Variants in TMEM132B observed in about 807,000 individuals in gnomAD.
TMEM132B encodes the protein transmembrane protein 132B.
In TMEM132B, 18 loss-of-function variants were observed where a neutral mutation model predicts 90.8. That is an observed-to-expected ratio of 0.20 (90% CI 0.14 to 0.29). The LOEUF is 0.29. Among genes scored for constraint, TMEM132B ranks in the 10% least tolerant of loss-of-function variants. TMEM132B has a pLI of 1.00. For missense variants in TMEM132B, 1,096 were observed against 1,326.8 expected (o/e 0.83, Z 2.70); for synonymous variants, 504 against 523.3 (o/e 0.96, Z 0.50).
At chr12:125,262,245 C>CA (rs11307058) in intron 1 of TMEM132B, among the ~76,000 whole-genome samples, 5,512 of 84,192 alleles carry the variant, frequency 0.065, 193 homozygotes, top group African/African-American at 0.11. Flanking sequence ...CCTGTTTCTA[C>CA]AAAAAAAAAA....
intron 1 of TMEM132B, among the ~76,000 whole-genome samples, chr12:125,243,567 A>G (rs1874138562): frequency 6.6e-6 from 1 of 152,134 alleles, no homozygotes; most frequent in Non-Finnish European, 1.5e-5. Flanking sequence ...CGGCCTCCCA[A>G]AGTGCTGGGA....
At position 125,651,921 on chromosome 12, in the gene TMEM132B, C is replaced by T. The variant is rs118183100; in HGVS notation, c.1915-520C>T. On this transcript the variant is annotated intron_variant, in intron 7 of 8. Transcript: ENST00000682704. ...GCAAGGCCACCTGTATTCCTTGTCA[C>T]GTGGTCCCTTCCGCCTTCAGTAATG... is the stretch of plus-strand genomic sequence containing the variant. 2.0e-3 allele frequency among the ~76,000 whole-genome samples: 307 copies of T among 152,350 alleles called. 1 individual carries two copies. Among genetic ancestry groups the T allele is most frequent in the Non-Finnish European group, 3.6e-3 (247 of 68,026 alleles).
intron 1 of TMEM132B, among the ~76,000 whole-genome samples, chr12:125,310,568 A>G (rs542496557): frequency 6.6e-6 from 1 of 152,194 alleles, no homozygotes; most frequent in Middle Eastern, 3.4e-3. Context: ...CTTCAAGTCT[A>G]CCTAACCACT....
intron 2 of TMEM132B, among the ~76,000 whole-genome samples, chr12:125,398,019 T>A (rs1566022880): frequency 6.6e-6 from 1 of 152,154 alleles, no homozygotes; most frequent in Non-Finnish European, 1.5e-5. Context: ...TTAGGGAGCA[T>A]CAGCAGCTCA....
chr12:125,432,797 G>T (rs1300242281), intron 3 of TMEM132B, among the ~76,000 whole-genome samples: 1 of 151,986 alleles, frequency 6.6e-6, no homozygotes, highest in Non-Finnish European at 1.5e-5. Flanking sequence ...TCGGCATCTG[G>T]TATCTGTTGG....
chr12:125,215,190 A>C (rs1873407038), intron 1 of TMEM132B, among the ~76,000 whole-genome samples: 1 of 152,212 alleles, frequency 6.6e-6, no homozygotes, highest in South Asian at 2.1e-4. Context: ...TTTTCCTGCC[A>C]GGATTTCTAT....
Position 125,519,579 on chromosome 12 carries a change from T to C in TMEM132B, c.1247T>C (p.Ile416Thr), listed in dbSNP as rs1319748877. Residue 416 changes from isoleucine (I) to threonine (T), a missense_variant, in exon 4 of 9, where the codon ATC (isoleucine) becomes ACC (threonine). By Grantham distance (89) the Ile-to-Thr change is moderately conservative. Transcript: ENST00000682704. ...DSMSELVVSE[I>T]FVSQTTFVGI... ...ATGAGTGAGCTGGTCGTCTCCGAGA[T>C]CTTCGTCAGCCAGACAACCTTCGTG... is the stretch of plus-strand genomic sequence containing the variant. The C allele has an allele frequency of 3.1e-6, 5 of 1,614,012 alleles. No individual in the cohort carries two copies. The highest frequency in any genetic ancestry group is 4.2e-6 in the Non-Finnish European group (5 of 1,180,030).
At chr12:125,555,293 T>TTGGTTG (rs1884345612) in intron 4 of TMEM132B, among the ~76,000 whole-genome samples, 1 of 152,044 alleles carries the variant, frequency 6.6e-6, no homozygotes, top group Non-Finnish European at 1.5e-5. Flanking sequence ...GTATATTTTA[T>TTGGTTG]TGGTTGCAAA....
At chr12:125,191,032 C>T (rs553358132) in intron 1 of TMEM132B, among the ~76,000 whole-genome samples, 9 of 21,098 alleles carry the variant, frequency 4.3e-4, no homozygotes, top group Admixed American at 8.4e-4. Context: ...GTGATGGTGA[C>T]GGGGAAGGGG....
intron 2 of TMEM132B, among the ~76,000 whole-genome samples, chr12:125,352,779 G>A (rs1877632673): frequency 6.6e-6 from 1 of 152,200 alleles, no homozygotes; most frequent in African/African-American, 2.4e-5. Context: ...TCCTGACTGA[G>A]GCTGATCATG....
Position 125,539,208 on chromosome 12 carries a change from T to C in TMEM132B, c.1293+19583T>C, listed in dbSNP as rs191833948. Among the ~76,000 whole-genome samples, 147 of 152,356 alleles carry C rather than the reference T, an allele frequency of 9.6e-4. 1 individual carries two copies. Among genetic ancestry groups the C allele is most frequent in the African/African-American group, 3.4e-3 (141 of 41,584 alleles). ...CATTCTTAAGTGGCCGAAAGAGGTC[T>C]GTGTGCCTTCTCTTGCCCACCCTCT... On this transcript the variant is annotated intron_variant, in intron 4 of 8. Coordinates refer to ENST00000682704, the MANE Select transcript of TMEM132B (RefSeq NM_001366854.1).
Position 125,655,422 on chromosome 12 carries a change from T to G in TMEM132B, c.*712T>G, listed in dbSNP as rs562399449. 2.0e-5 allele frequency: 3 copies of G among 152,230 alleles called. No individual in the cohort carries two copies. The highest frequency in any genetic ancestry group is 4.4e-5 in the Non-Finnish European group (3 of 68,036). 9.4% of individuals were successfully genotyped at this position (152,230 alleles called of 1,614,324 possible). ...CCAAGAAGCTTATTCTCACTTTGTT[T>G]TTTCCTTCCTTTTGTTGTTGAACTT... On this transcript the variant is annotated 3_prime_UTR_variant, in exon 9 of 9. Coordinates refer to ENST00000682704, the MANE Select transcript of TMEM132B (RefSeq NM_001366854.1).
intron 3 of TMEM132B, among the ~76,000 whole-genome samples, chr12:125,448,992 A>T (rs1593152541): frequency 8.9e-6 from 1 of 112,000 alleles, no homozygotes; most frequent in African/African-American, 3.5e-5. Context: ...TTTGAGATGG[A>T]GTCTCGCTTT....
At chr12:125,392,631 T>C (rs1879057990) in intron 2 of TMEM132B, among the ~76,000 whole-genome samples, 1 of 152,152 alleles carries the variant, frequency 6.6e-6, no homozygotes, top group African/African-American at 2.4e-5. Context: ...GCACTGCACC[T>C]GACCAACAGC....
At chr12:125,538,968 A>C (rs1301354891) in intron 4 of TMEM132B, among the ~76,000 whole-genome samples, 1 of 152,136 alleles carries the variant, frequency 6.6e-6, no homozygotes, top group African/African-American at 2.4e-5. Context: ...CTCCGTCTCC[A>C]CTGCCAGCAC....
intron 3 of TMEM132B, among the ~76,000 whole-genome samples, chr12:125,430,260 G>A (rs568417612): frequency 6.6e-6 from 1 of 152,320 alleles, no homozygotes; most frequent in South Asian, 2.1e-4. Flanking sequence ...GGGGTTGTCG[G>A]GTGAGCGCAC....
At position 125,277,534 on chromosome 12, in the gene TMEM132B, C is replaced by T. The variant is rs978840206; in HGVS notation, c.68-71918C>T. Among the ~76,000 whole-genome samples, 5 of 151,272 alleles carry T rather than the reference C, an allele frequency of 3.3e-5. No individual in the cohort carries two copies. Among genetic ancestry groups the T allele is most frequent in the Non-Finnish European group, 5.9e-5 (4 of 67,876 alleles). On this transcript the variant is annotated intron_variant, in intron 1 of 8. Transcript: ENST00000682704. This position sits in a 1 kb window ranked among gnomAD's most constrained non-coding sequence, Gnocchi z 4.3. ...ACACACACACACACACACACATACA[C>T]ACACACACGGGAAGGCCATGTGAAG...
intron 4 of TMEM132B, among the ~76,000 whole-genome samples, chr12:125,529,106 A>AT (rs1470720106): frequency 6.7e-6 from 1 of 148,258 alleles, no homozygotes; most frequent in Non-Finnish European, 1.5e-5. Context: ...TTCTTTTGAG[A>AT]TAAAGCCTCA....
intron 4 of TMEM132B, among the ~76,000 whole-genome samples, chr12:125,571,617 T>C (rs760728484): frequency 3.7e-4 from 57 of 152,226 alleles, no homozygotes; most frequent in Non-Finnish European, 7.5e-4. Flanking sequence ...CTGTTGCCTG[T>C]TCTCTTGGTT....
Sources: gnomAD v4.1 joint callset for allele counts (sites outside exome capture counted in the v4.1 genomes callset) on GRCh38, gnomAD v4.1.1 for gene constraint, Gnocchi (gnomAD v3.1) non-coding constraint, MANE v1.5 for transcripts, NCBI Gene and HGNC (gene_info 2026-07-23, HGNC 2026-07-21) for gene names.